The following PTPRD variants were observed in gnomAD, a reference collection of about 807,000 sequenced individuals.
PTPRD encodes the protein protein tyrosine phosphatase receptor type D.
In PTPRD, 34 loss-of-function variants were observed where a neutral mutation model predicts 214.5. The observed-to-expected ratio is 0.16, with a 90% CI of 0.12 to 0.21. PTPRD has a LOEUF of 0.21. PTPRD is among the 10% of genes least tolerant of loss of function. PTPRD has a pLI of 1.00. For synonymous variants in PTPRD, 1,128 were observed against 845.7 expected (o/e 1.33, Z -5.79); for missense variants, 2,545 against 2,398.7 (o/e 1.06, Z -1.27).
rs1256817374 is a variant in PTPRD, at chr9:8,499,692, G to A, written c.2277C>T (p.Pro759=). The A allele has an allele frequency of 4.3e-6, 7 of 1,613,966 alleles. No homozygotes were observed. The highest frequency in any genetic ancestry group is 4.5e-5 in the East Asian group (2 of 44,872). Residue 759 remains proline (P), a synonymous_variant, in exon 25 of 46, where the codon CCC becomes CCT. Transcript: ENST00000381196. ...VHYVRMENGE[P]KGQPMLKDVM... The stretch of plus-strand genomic sequence containing the variant: ...CATCTTTCAGCATGGGCTGGCCCTT[G>A]GGCTCACCATTTTCCATCCTCACAT...
chr9:9,367,587 T>C (rs909127204), intron 9 of PTPRD, among the ~76,000 whole-genome samples: 21 of 151,542 alleles, frequency 1.4e-4, no homozygotes, highest in Admixed American at 2.6e-4. Context: ...TTAGAATGAG[T>C]AACTATCATT....
intron 10 of PTPRD, among the ~76,000 whole-genome samples, chr9:9,082,768 G>A (rs1172709068): frequency 6.6e-6 from 1 of 152,018 alleles, no homozygotes; most frequent in African/African-American, 2.4e-5. Context: ...TAGACAAACA[G>A]AGAGCCAAAT....
At chr9:10,376,844 G>A (rs1318198575) in intron 2 of PTPRD, among the ~76,000 whole-genome samples, 3 of 151,848 alleles carry the variant, frequency 2.0e-5, no homozygotes, top group Non-Finnish European at 2.9e-5. Context: ...ATGTGTAATA[G>A]TCGCATCATG....
intron 3 of PTPRD, among the ~76,000 whole-genome samples, chr9:10,307,462 T>C (rs1047477426): frequency 2.0e-5 from 3 of 152,272 alleles, no homozygotes; most frequent in East Asian, 3.9e-4. Flanking sequence ...CATTCATTCA[T>C]TGATGGGTAC....
At chr9:9,221,204 C>T (rs963312647) in intron 9 of PTPRD, among the ~76,000 whole-genome samples, 1 of 152,044 alleles carries the variant, frequency 6.6e-6, no homozygotes, top group Non-Finnish European at 1.5e-5. Flanking sequence ...AAATTAAATG[C>T]ATTCATTGGC....
intron 2 of PTPRD, among the ~76,000 whole-genome samples, chr9:10,442,256 A>G (rs1431182750): frequency 6.6e-6 from 1 of 151,662 alleles, no homozygotes. Context: ...TTCCAAAGTT[A>G]TTATCCTTTT....
At chr9:9,848,240 C>T (rs977787063) in intron 5 of PTPRD, among the ~76,000 whole-genome samples, 2 of 152,052 alleles carry the variant, frequency 1.3e-5, no homozygotes, top group South Asian at 2.1e-4. Context: ...CCACAGATTC[C>T]CCAGTACTGC....
chr9:9,838,949 T>C (rs1462729517), intron 5 of PTPRD, among the ~76,000 whole-genome samples: 1 of 152,054 alleles, frequency 6.6e-6, no homozygotes, highest in East Asian at 1.9e-4. Context: ...TTGTATAAGG[T>C]GTAAGGAAGG....
chr9:8,490,895 C>G (rs186493509), intron 27 of PTPRD, among the ~76,000 whole-genome samples: 67 of 152,214 alleles, frequency 4.4e-4, no homozygotes, highest in African/African-American at 1.5e-3. Flanking sequence ...TTTGTGGGAG[C>G]TGTAACTAAA....
At chr9:9,295,103 G>C (rs1049347551) in intron 9 of PTPRD, among the ~76,000 whole-genome samples, 8 of 151,604 alleles carry the variant, frequency 5.3e-5, no homozygotes, top group Admixed American at 2.0e-4. Flanking sequence ...AATAAGCTTG[G>C]TGGCTCACAA....
At chr9:8,554,315 T>C (rs1401075134) in intron 14 of PTPRD, among the ~76,000 whole-genome samples, 1 of 152,130 alleles carries the variant, frequency 6.6e-6, no homozygotes, top group Non-Finnish European at 1.5e-5. Flanking sequence ...CTGATATTGC[T>C]AGAAATAGAA....
At position 10,064,261 on chromosome 9, in the gene PTPRD, G is replaced by A. The variant is rs928461907; in HGVS notation, c.-544-30471C>T. 9.9e-5 allele frequency among the ~76,000 whole-genome samples: 15 copies of A among 151,922 alleles called. No individual in the cohort carries two copies. The South Asian group carries it at 1.5e-3, about 15-fold the overall frequency. On this transcript the variant is annotated intron_variant, in intron 3 of 45. Coordinates refer to ENST00000381196, the MANE Select transcript of PTPRD (RefSeq NM_002839.4). ...GAATTGTTTTGAGGGGCATGACAAT[G>A]CTGTATTAACTTAAAACCTTAATGT...
intron 3 of PTPRD, among the ~76,000 whole-genome samples, chr9:10,144,397 G>C (rs947101538): frequency 6.6e-6 from 1 of 152,116 alleles, no homozygotes; most frequent in Non-Finnish European, 1.5e-5. Context: ...CTTAGGAGCT[G>C]ATCAAATTTG....
At chr9:10,481,629 T>C (rs1179349207) in intron 2 of PTPRD, among the ~76,000 whole-genome samples, 1 of 152,146 alleles carries the variant, frequency 6.6e-6, no homozygotes, top group African/African-American at 2.4e-5. Context: ...GATTGAATGA[T>C]TAAAGAAGTC....
intron 11 of PTPRD, among the ~76,000 whole-genome samples, chr9:8,772,684 T>C (rs191068505): frequency 6.6e-6 from 1 of 152,292 alleles, no homozygotes; most frequent in Admixed American, 6.5e-5. Context: ...CTTGTTTTAA[T>C]GTTCTTGTCT....
intron 14 of PTPRD, among the ~76,000 whole-genome samples, chr9:8,600,177 T>C (rs1022176787): frequency 1.3e-5 from 2 of 152,164 alleles, no homozygotes; most frequent in Non-Finnish European, 2.9e-5. Flanking sequence ...CCAGGCTGTA[T>C]TCAGCCGACA....
intron 7 of PTPRD, among the ~76,000 whole-genome samples, chr9:9,734,265 C>T (rs191550850): frequency 2.6e-5 from 4 of 152,182 alleles, no homozygotes; most frequent in South Asian, 2.1e-4. Context: ...GATTTAATTT[C>T]CTTAAGAAAC....
At chr9:9,054,865 G>C (rs1360449655) in intron 10 of PTPRD, among the ~76,000 whole-genome samples, 2 of 152,280 alleles carry the variant, frequency 1.3e-5, no homozygotes, top group South Asian at 2.1e-4. Context: ...TGCTAGTGTT[G>C]TGCAAGGGAA....
chr9:9,931,647 G>C (rs1415785755), intron 5 of PTPRD, among the ~76,000 whole-genome samples: 3 of 151,276 alleles, frequency 2.0e-5, no homozygotes, highest in Non-Finnish European at 4.4e-5. Flanking sequence ...ACGAGGCTGG[G>C]GGAGGGGCGC....
Sources: allele counts gnomAD v4.1 joint callset (sites outside exome capture counted in the v4.1 genomes callset), GRCh38; gene constraint gnomAD v4.1.1; transcripts MANE v1.5; gene names NCBI Gene and HGNC (gene_info 2026-07-23, HGNC 2026-07-21).